PCNT: variants seen among roughly 807,000 people sequenced by gnomAD.
PCNT encodes the protein kendrin.
In PCNT, 319 loss-of-function variants were observed where a neutral mutation model predicts 380.4. The ratio of observed to expected loss-of-function variants is 0.84; its 90% CI spans 0.77 to 0.92. The LOEUF is 0.92. Among genes scored for constraint, PCNT ranks in the 40% least tolerant of loss-of-function variants. The probability of loss-of-function intolerance (pLI) is 0.00; values close to 1 mark genes in which losing one functional copy is unlikely to be tolerated. For missense variants in PCNT, 4,400 were observed against 4,255.3 expected (o/e 1.03, Z -0.95); for synonymous variants, 1,845 against 1,735.2 (o/e 1.06, Z -1.57).
chr21:46,351,125 A>G (rs1392360784), intron 8 of PCNT, among the ~76,000 whole-genome samples: 1 of 152,188 alleles, frequency 6.6e-6, no homozygotes, highest in East Asian at 1.9e-4. Context: ...GGTGCACAAG[A>G]TGAAACTGCA....
chr21:46,418,194 C>G lies in PCNT; in HGVS notation c.6922-10C>G. The G allele has an allele frequency of 6.9e-7, 1 of 1,453,010 alleles. No homozygotes were observed. Among genetic ancestry groups the G allele is most frequent in the Non-Finnish European group, 9.5e-7 (1 of 1,057,596 alleles). The allele number at this position is 1,453,010 out of a possible 1,614,324, so 90.0% of individuals were successfully genotyped here. On this transcript the variant is annotated splice_polypyrimidine_tract_variant and intron_variant, in intron 30 of 46. Coordinates refer to ENST00000359568, the MANE Select transcript of PCNT (RefSeq NM_006031.6). ...CATTATTTTATGACCATTTAAAAATCTCTTAACAGGAGAAAGATGTCGAAG... is the reference window on the plus strand; with the variant it reads ...CATTATTTTATGACCATTTAAAAATGTCTTAACAGGAGAAAGATGTCGAAG...
rs376242092 is a variant in PCNT, at chr21:46,346,591, C to T, written c.721-152C>T. 215 of 943,100 alleles carry T rather than the reference C, an allele frequency of 2.3e-4. 1 individual carries two copies. The highest frequency in any genetic ancestry group is 5.5e-4 in the East Asian group (21 of 37,866). 58.4% of individuals were successfully genotyped at this position (943,100 alleles called of 1,614,324 possible). A position where few individuals can be genotyped will look rare whatever the true frequency, so the allele number is the denominator to read the frequency against. On this transcript the variant is annotated intron_variant, in intron 4 of 46. Transcript: ENST00000359568. ...AGCTGGGTGGCATCTCAGTGGCATC[C>T]GGGCCTCTGTGTCCTGCCCCTGCTT...
chr21:46,427,560 T>C, intron 33 of PCNT, 62 bp from the exon 34 acceptor site: 1 of 1,605,094 alleles, frequency 6.2e-7, no homozygotes, highest in Non-Finnish European at 8.5e-7. Flanking sequence ...CACTGCGAAC[T>C]TTAGGGCACA....
intron 15 of PCNT, 124 bp from the exon 16 acceptor site, chr21:46,381,570 T>G: frequency 1.1e-6 from 1 of 873,614 alleles, no homozygotes; most frequent in Non-Finnish European, 1.9e-6. Flanking sequence ...GTCTGGCTCA[T>G]CCCGGCTCTT....
intron 40 of PCNT, 127 bp from the exon 41 acceptor site, chr21:46,438,037 A>T: frequency 1.2e-6 from 1 of 805,208 alleles, no homozygotes; most frequent in Non-Finnish European, 2.1e-6. Flanking sequence ...TGCCAGCTCC[A>T]CAAGCTTCTC....
chr21:46,429,972 C>G (rs750360842), intron 35 of PCNT, 38 bp from the exon 36 acceptor site: 1 of 1,549,122 alleles, frequency 6.5e-7, no homozygotes, highest in South Asian at 1.1e-5. Context: ...GCACGAGGAG[C>G]TCATGGGGGC....
chr21:46,327,954 G>T (rs1435431618), intron 2 of PCNT, among the ~76,000 whole-genome samples: 1 of 152,162 alleles, frequency 6.6e-6, no homozygotes, highest in African/African-American at 2.4e-5. Context: ...CTCCTTGGGG[G>T]CCTACAAACC....
At chr21:46,355,790 G>T (rs1394714274) in intron 12 of PCNT, among the ~76,000 whole-genome samples, 164 bp downstream of exon 12, 1 of 152,230 alleles carries the variant, frequency 6.6e-6, no homozygotes, top group Non-Finnish European at 1.5e-5. Context: ...TCCTGATGAG[G>T]GTTTGGCGTT....
At chr21:46,374,108 G>A (rs899794209) in intron 15 of PCNT, among the ~76,000 whole-genome samples, 1 of 152,074 alleles carries the variant, frequency 6.6e-6, no homozygotes, top group African/African-American at 2.4e-5. Flanking sequence ...GAGGTGGGAT[G>A]TACTCTTTAT....
At chr21:46,325,148 G>C (rs2083332274) in intron 1 of PCNT, 1 of 985,702 alleles carries the variant, frequency 1.0e-6, no homozygotes, top group South Asian at 4.7e-5. Context: ...TGACTCGGGG[G>C]CAGGAGAAAG....
In PCNT at chr21:46,428,377, G is replaced by A. The variant is rs750674812; in HGVS notation, c.7495-18G>A. ...TGGCTGCCCAATGCTCAGGCTGCTT[G>A]TCCCATTGTGCCCCCAGGGAGACCT... On this transcript the variant is annotated intron_variant, in intron 34 of 46. Coordinates refer to ENST00000359568, the MANE Select transcript of PCNT (RefSeq NM_006031.6). 13 of 1,610,016 alleles carry A rather than the reference G, an allele frequency of 8.1e-6. No homozygotes were observed. Among genetic ancestry groups the A allele is most frequent in the Non-Finnish European group, 1.1e-5 (13 of 1,178,472 alleles).
rs144241022 is a variant in PCNT at position 46,349,238 on chromosome 21, G to T, written c.1207+52G>T. Reference sequence around the variant, plus strand: ...GAGTGGGACTGAATTTTCCTAGGTAGTACTGGAAGGAATGTCGTTCATGTC... The same window carrying T: ...GAGTGGGACTGAATTTTCCTAGGTATTACTGGAAGGAATGTCGTTCATGTC... On this transcript the variant is annotated intron_variant, in intron 7 of 46. Transcript: ENST00000359568. The T allele has an allele frequency of 1.3e-3, 1,783 of 1,394,156 alleles. 5 individuals are homozygous for T. Among genetic ancestry groups the T allele is most frequent in the Non-Finnish European group, 1.7e-3 (1,618 of 979,948 alleles). The allele number at this position is 1,394,156 out of a possible 1,614,324, so 86.4% of individuals were successfully genotyped here.
chr21:46,365,371 A>T (rs1279961953), intron 14 of PCNT, among the ~76,000 whole-genome samples: 1 of 140,184 alleles, frequency 7.1e-6, no homozygotes, highest in East Asian at 2.3e-4. Flanking sequence ...GGTTCTGATC[A>T]CTGCCGTGGG....
chr21:46,414,906 C>T (rs1261767866), intron 29 of PCNT, among the ~76,000 whole-genome samples: 1 of 152,230 alleles, frequency 6.6e-6, no homozygotes, highest in South Asian at 2.1e-4. Flanking sequence ...TCCTCCTCCC[C>T]CTCCTCCCTG....
intron 6 of PCNT, among the ~76,000 whole-genome samples, chr21:46,347,981 G>A (rs183391634): frequency 1.4e-4 from 22 of 152,354 alleles, no homozygotes; most frequent in Admixed American, 1.2e-3. Flanking sequence ...CAGGCCCTCC[G>A]CTAGAGGGCT....
At position 46,402,386 on chromosome 21, in the gene PCNT, A is replaced by G; in HGVS notation, c.5018A>G (p.Asn1673Ser). 6.2e-7 allele frequency: 1 copy of G among 1,612,820 alleles called. No individual in the cohort carries two copies. The highest frequency in any genetic ancestry group is 8.5e-7 in the Non-Finnish European group (1 of 1,178,768). The change falls in exon 27 of 47, where the codon AAT (asparagine) becomes AGT (serine). Residue 1673 changes from asparagine to serine, a missense_variant. Asn to Ser is a conservative substitution (Grantham distance 46). Coordinates refer to ENST00000359568, the MANE Select transcript of PCNT (RefSeq NM_006031.6). ...EKMKGDLESK[N>S]EEILHLNLKL... ...ATGAAAGGTGACTTAGAAAGTAAAA[A>G]TGAAGAAATACTACATCTGAACTTA...
intron 2 of PCNT, among the ~76,000 whole-genome samples, chr21:46,332,199 A>G (rs2083581713): frequency 6.6e-6 from 1 of 152,218 alleles, no homozygotes; most frequent in African/African-American, 2.4e-5. Context: ...CTCAGAGGTC[A>G]AGAATTTCAG....
chr21:46,368,473 A>G (rs761944162), intron 15 of PCNT, among the ~76,000 whole-genome samples: 3 of 151,684 alleles, frequency 2.0e-5, no homozygotes, highest in Non-Finnish European at 4.4e-5. Flanking sequence ...GTGATGGTTC[A>G]TTTGACAGGC....
In PCNT at chr21:46,411,290, T is replaced by A; in HGVS notation, c.5217T>A (p.Ile1739=). The change falls in exon 28 of 47, where the codon ATT becomes ATA. Residue 1739 remains isoleucine (I), a synonymous_variant. Coordinates refer to ENST00000359568, the MANE Select transcript of PCNT (RefSeq NM_006031.6). ...TACAAAAGGAGAAAGCAGAGGAAAT[T>A]GAACAACTCCATGAAGTCATTGAGA... The part of the protein sequence containing the change: ...KRLQKEKAEE[I]EQLHEVIEKL... The A allele has an allele frequency of 6.2e-7, 1 of 1,614,136 alleles. No homozygotes were observed. Among genetic ancestry groups the A allele is most frequent in the Non-Finnish European group, 8.5e-7 (1 of 1,180,016 alleles).
Sources: allele counts gnomAD v4.1 joint callset (sites outside exome capture counted in the v4.1 genomes callset), GRCh38; gene constraint gnomAD v4.1.1; transcripts MANE v1.5; gene names NCBI Gene and HGNC (gene_info 2026-07-23, HGNC 2026-07-21).